RTF2: variants seen among roughly 807,000 people sequenced by gnomAD.
RTF2 encodes replication termination factor 2, also known as UPF0549 protein C20orf43.
In RTF2, 18 loss-of-function variants were observed where a neutral mutation model predicts 38.0. The ratio of observed to expected loss-of-function variants is 0.47; its 90% CI spans 0.33 to 0.70. RTF2 has a LOEUF of 0.70. Ranked by LOEUF, RTF2 falls within the 30% of genes least tolerant of loss-of-function variation. The probability of loss-of-function intolerance (pLI) is 0.02; values close to 1 mark genes in which losing one functional copy is unlikely to be tolerated. For synonymous variants in RTF2, 126 were observed against 137.1 expected (o/e 0.92, Z 0.57); for missense variants, 311 against 379.6 (o/e 0.82, Z 1.50).
intron 5 of RTF2, among the ~76,000 whole-genome samples, chr20:56,503,421 C>T (rs887739418): frequency 6.6e-5 from 10 of 152,296 alleles, no homozygotes; most frequent in African/African-American, 2.4e-4. Context: ...AAAATGAGAG[C>T]TGAGGATTTG....
At chr20:56,486,307 A>G (rs775396222) in intron 5 of RTF2, among the ~76,000 whole-genome samples, 9 of 152,204 alleles carry the variant, frequency 5.9e-5, no homozygotes, top group Non-Finnish European at 1.2e-4. Flanking sequence ...GTAACTTGAT[A>G]TTTATGGCAA....
At chr20:56,511,857 G>A (rs752544801) in intron 5 of RTF2, among the ~76,000 whole-genome samples, 1 of 151,880 alleles carries the variant, frequency 6.6e-6, no homozygotes. Flanking sequence ...TTTTGAGACG[G>A]AGTCTCGCTC....
chr20:56,471,438 G>A (rs1981958856), intron 1 of RTF2, among the ~76,000 whole-genome samples: 11 of 151,986 alleles, frequency 7.2e-5, no homozygotes, highest in Admixed American at 7.2e-4. Flanking sequence ...CATGGTGGCA[G>A]GTGCCTGTAG....
intron 5 of RTF2, among the ~76,000 whole-genome samples, chr20:56,511,584 T>A (rs1984673495): frequency 6.6e-6 from 1 of 152,180 alleles, no homozygotes; most frequent in South Asian, 2.1e-4. Context: ...ATAACCCTAG[T>A]CCAGGGCTTC....
intron 4 of RTF2, among the ~76,000 whole-genome samples, chr20:56,481,136 T>C (rs1220324541): frequency 6.6e-6 from 1 of 152,228 alleles, no homozygotes. Flanking sequence ...TCTGGAATCT[T>C]CTGTTAAACA....
chr20:56,496,324 G>A (rs1034687541), intron 5 of RTF2, among the ~76,000 whole-genome samples: 1 of 152,158 alleles, frequency 6.6e-6, no homozygotes, highest in African/African-American at 2.4e-5. Flanking sequence ...GAGGCAGGCG[G>A]ATCACCTGAG....
chr20:56,502,191 T>C (rs939029356), intron 5 of RTF2, among the ~76,000 whole-genome samples: 1 of 152,216 alleles, frequency 6.6e-6, no homozygotes, highest in African/African-American at 2.4e-5. Context: ...GGTTAACTTT[T>C]TTCCCGTTTA....
At chr20:56,468,817 G>C (rs1389730236) in intron 1 of RTF2, 51 bp downstream of exon 1, 1 of 1,464,566 alleles carries the variant, frequency 6.8e-7, no homozygotes, top group Admixed American at 2.0e-5. Flanking sequence ...GGAATTTGAC[G>C]ACCCCAGAAA....
chr20:56,472,059 AAAAAT>A (rs1981998440), intron 1 of RTF2, among the ~76,000 whole-genome samples: 1 of 150,838 alleles, frequency 6.6e-6, no homozygotes, highest in Non-Finnish European at 1.5e-5. Flanking sequence ...ACCTCTTAAC[AAAAAT>A]AAAATAAAAT....
intron 6 of RTF2, among the ~76,000 whole-genome samples, chr20:56,515,282 A>G (rs1255383545): frequency 6.6e-6 from 1 of 152,090 alleles, no homozygotes; most frequent in Admixed American, 6.6e-5. Context: ...TAAAAAACAC[A>G]AAAGGGCAGC....
intron 5 of RTF2, chr20:56,495,392 A>G (rs1983456586): frequency 2.1e-6 from 2 of 954,168 alleles, no homozygotes; most frequent in Non-Finnish European, 3.3e-6. Flanking sequence ...TTTCCTCTAG[A>G]TGAGGTAGTC....
At chr20:56,508,948 T>A (rs1386439787) in intron 5 of RTF2, among the ~76,000 whole-genome samples, 1 of 152,160 alleles carries the variant, frequency 6.6e-6, no homozygotes, top group African/African-American at 2.4e-5. Context: ...AATCACAATC[T>A]TGGGTTAGGC....
At position 56,486,524 on chromosome 20, in the gene RTF2, C is replaced by G. The variant is rs527635059; in HGVS notation, c.477+2335C>G. On this transcript the variant is annotated intron_variant, in intron 5 of 8. Coordinates refer to ENST00000357348, the MANE Select transcript of RTF2 (RefSeq NM_016407.5). ...ATTAGCTGGGTGTGGTGGCACGCGC[C>G]TGTAATCCTGGCTGCTCGGGAGGCT... Among the ~76,000 whole-genome samples, 13 of 152,228 alleles carry G rather than the reference C, an allele frequency of 8.5e-5. No individual in the cohort carries two copies. The South Asian group carries it at 2.7e-3, about 32-fold the overall frequency.
intron 1 of RTF2, chr20:56,470,510 A>G (rs949484036): frequency 2.9e-5 from 13 of 448,412 alleles, no homozygotes; most frequent in Admixed American, 2.8e-4. Flanking sequence ...TTTCGGATCA[A>G]TATTGTGAAA....
intron 6 of RTF2, chr20:56,516,540 C>G (rs1399742855): frequency 5.5e-6 from 1 of 182,852 alleles, no homozygotes; most frequent in African/African-American, 2.4e-5. Context: ...GGTGTTTATG[C>G]TGGCTGGACT....
chr20:56,512,290 C>T (rs979044002), intron 5 of RTF2, among the ~76,000 whole-genome samples: 9 of 152,212 alleles, frequency 5.9e-5, no homozygotes, highest in African/African-American at 1.9e-4. Context: ...TCTTTTTTTC[C>T]CTGTTTTTCC....
chr20:56,478,455 A>G (rs997873455), intron 4 of RTF2, among the ~76,000 whole-genome samples: 1 of 152,200 alleles, frequency 6.6e-6, no homozygotes, highest in African/African-American at 2.4e-5. Flanking sequence ...TGATCATGCC[A>G]CTGCAGAGCC....
At chr20:56,474,922 T>G (rs995542510) in intron 3 of RTF2, 151 bp downstream of exon 3, 1 of 492,498 alleles carries the variant, frequency 2.0e-6, no homozygotes, top group Non-Finnish European at 3.6e-6. Flanking sequence ...GAGAGGTCAC[T>G]TAAATCTCAA....
intron 5 of RTF2, chr20:56,497,692 T>G: frequency 9.5e-7 from 1 of 1,054,812 alleles, no homozygotes; most frequent in African/African-American, 1.7e-5. Flanking sequence ...AGATACAATT[T>G]AGGGTGTTGT....
Sources: allele counts gnomAD v4.1 joint callset (sites outside exome capture counted in the v4.1 genomes callset), GRCh38; gene constraint gnomAD v4.1.1; transcripts MANE v1.5; gene names NCBI Gene and HGNC (gene_info 2026-07-23, HGNC 2026-07-21).